The following SLC44A1 variants were observed in gnomAD, a reference collection of about 807,000 sequenced individuals.
The protein encoded by SLC44A1 is choline transporter-like protein 1.
SLC44A1 carries 26 observed loss-of-function variants against 79.3 expected under a neutral mutation model. That is an observed-to-expected ratio of 0.33 (90% CI 0.24 to 0.46). The LOEUF is 0.46. Among genes scored for constraint, SLC44A1 ranks in the 20% least tolerant of loss-of-function variants. The pLI is 1.00. For missense variants in SLC44A1, 688 were observed against 798.1 expected (o/e 0.86, Z 1.66); for synonymous variants, 263 against 286.2 (o/e 0.92, Z 0.82).
Position 105,392,238 on chromosome 9 carries a change from C to T in SLC44A1, c.*3182C>T, listed in dbSNP as rs1452530102. On this transcript the variant is annotated 3_prime_UTR_variant, in exon 16 of 16. Transcript: ENST00000374720. Reference sequence around the variant, plus strand: ...TTTAGGATTAAAGTTTTTATTTTATCCTATAAGATAATTAAGTCCTAAGTC... The same window carrying T: ...TTTAGGATTAAAGTTTTTATTTTATTCTATAAGATAATTAAGTCCTAAGTC... 2.0e-5 allele frequency: 20 copies of T among 983,578 alleles called. No individual in the cohort carries two copies. Among genetic ancestry groups the T allele is most frequent in the Non-Finnish European group, 2.4e-5 (20 of 828,362 alleles). The allele number at this position is 983,578 out of a possible 1,614,324, so 60.9% of individuals were successfully genotyped here.
At position 105,281,527 on chromosome 9, in the gene SLC44A1, C is replaced by T. The variant is rs374134926; in HGVS notation, c.37-17693C>T. ...CTAGGAGTGACGACTAAGGTGATAT[C>T]TTGTTGTAAAGGATGTGTCTGATAC... is the stretch of plus-strand genomic sequence containing the variant. On this transcript the variant is annotated intron_variant, in intron 1 of 15. Coordinates refer to ENST00000374720, the MANE Select transcript of SLC44A1 (RefSeq NM_080546.5). 7.2e-5 allele frequency among the ~76,000 whole-genome samples: 11 copies of T among 152,130 alleles called. No homozygotes were observed. The East Asian group carries it at 1.4e-3, about 19-fold the overall frequency.
chr9:105,311,224 A>G (rs1476100862), intron 3 of SLC44A1, among the ~76,000 whole-genome samples: 2 of 152,218 alleles, frequency 1.3e-5, no homozygotes, highest in Non-Finnish European at 2.9e-5. Context: ...TTAGACTCAT[A>G]TAAGTTGCAA....
At chr9:105,411,287 T>C (rs182290947) in intron 15 of SLC44A1, among the ~76,000 whole-genome samples, 21 of 152,238 alleles carry the variant, frequency 1.4e-4, no homozygotes, top group Admixed American at 8.5e-4. Context: ...ATTCCCTAAA[T>C]GTTAGTATTT....
chr9:105,283,740 C>T (rs1218145680), intron 1 of SLC44A1, among the ~76,000 whole-genome samples: 1 of 152,192 alleles, frequency 6.6e-6, no homozygotes, highest in Non-Finnish European at 1.5e-5. Context: ...AGTCCTTTCT[C>T]ATTCCACCTT....
intron 1 of SLC44A1, among the ~76,000 whole-genome samples, chr9:105,252,040 G>T (rs1829600595): frequency 6.6e-6 from 1 of 152,118 alleles, no homozygotes; most frequent in South Asian, 2.1e-4. Context: ...CAAATCAAAA[G>T]AATATGATTT....
chr9:105,367,706 T>C (rs1305184136), intron 12 of SLC44A1, among the ~76,000 whole-genome samples: 1 of 152,236 alleles, frequency 6.6e-6, no homozygotes, highest in East Asian at 1.9e-4. Context: ...ATCTGACTAG[T>C]TCCTACTGAA....
chr9:105,247,804 G>A (rs1468180308), intron 1 of SLC44A1, among the ~76,000 whole-genome samples: 7 of 152,206 alleles, frequency 4.6e-5, no homozygotes, highest in African/African-American at 1.7e-4. Flanking sequence ...CTGGCAAGTG[G>A]CATCGAATGT....
chr9:105,424,199 A>G (rs943850125), intron 15 of SLC44A1, among the ~76,000 whole-genome samples: 6 of 152,178 alleles, frequency 3.9e-5, no homozygotes, highest in Non-Finnish European at 2.9e-5. Flanking sequence ...TGGGGCAAGG[A>G]GTCCACCATG....
At chr9:105,403,818 A>G (rs1232944733) in intron 15 of SLC44A1, among the ~76,000 whole-genome samples, 1 of 150,684 alleles carries the variant, frequency 6.6e-6, no homozygotes, top group African/African-American at 2.4e-5. Flanking sequence ...GTGTCTGTGA[A>G]TCTGTACTGA....
chr9:105,282,528 T>C (rs1830377711), intron 1 of SLC44A1, among the ~76,000 whole-genome samples: 1 of 152,156 alleles, frequency 6.6e-6, no homozygotes, highest in Admixed American at 6.5e-5. Flanking sequence ...ACTTGCTTCT[T>C]AATAATAGAT....
chr9:105,299,446 T>C, intron 2 of SLC44A1, 137 bp downstream of exon 2: 2 of 569,476 alleles, frequency 3.5e-6, no homozygotes, highest in Non-Finnish European at 5.7e-6. Context: ...TCTTGATTTG[T>C]TTTTCTACAT....
intron 1 of SLC44A1, among the ~76,000 whole-genome samples, chr9:105,295,202 A>C (rs576618093): frequency 6.6e-6 from 1 of 152,224 alleles, no homozygotes; most frequent in Middle Eastern, 3.2e-3. Flanking sequence ...TTGTTTTAGG[A>C]ATCAAATGCG....
At chr9:105,410,877 A>T (rs949021573) in intron 15 of SLC44A1, among the ~76,000 whole-genome samples, 2 of 152,236 alleles carry the variant, frequency 1.3e-5, no homozygotes, top group African/African-American at 4.8e-5. Context: ...GTACTCATAC[A>T]TGCAACAACA....
At chr9:105,435,157 AC>A in intron 15 of SLC44A1, among the ~76,000 whole-genome samples, 1 of 147,274 alleles carries the variant, frequency 6.8e-6, no homozygotes. Flanking sequence ...AAAAAACAAA[AC>A]AAAACAAAAA....
rs1158541051 is a variant in SLC44A1 at position 105,396,884 on chromosome 9, A to G, written c.*7828A>G. On this transcript the variant is annotated 3_prime_UTR_variant, in exon 16 of 16. Transcript: ENST00000374720. ...TACCATTATTTTGGATTTTTTTCTTATTACAGTGTCACTACACTGTATTCA... is the reference window on the plus strand; with the variant it reads ...TACCATTATTTTGGATTTTTTTCTTGTTACAGTGTCACTACACTGTATTCA... 2.0e-6 allele frequency: 2 copies of G among 985,064 alleles called. No homozygotes were observed. Among genetic ancestry groups the G allele is most frequent in the East Asian group, 1.1e-4 (1 of 8,802 alleles). The allele number at this position is 985,064 out of a possible 1,614,324, so 61.0% of individuals were successfully genotyped here. A position where few individuals can be genotyped will look rare whatever the true frequency, so the allele number is the denominator to read the frequency against.
At chr9:105,308,574 T>G (rs1831093462) in intron 2 of SLC44A1, among the ~76,000 whole-genome samples, 1 of 152,300 alleles carries the variant, frequency 6.6e-6, no homozygotes, top group African/African-American at 2.4e-5. Context: ...TAGAACACAG[T>G]TTGTTTGCCT....
intron 3 of SLC44A1, among the ~76,000 whole-genome samples, chr9:105,316,278 G>A (rs1015227953): frequency 2.6e-5 from 4 of 152,144 alleles, no homozygotes. Context: ...CCATGAGAAA[G>A]GTTACAATGG....
intron 1 of SLC44A1, chr9:105,294,593 A>G (rs1336441207): frequency 6.6e-6 from 1 of 152,096 alleles, no homozygotes; most frequent in Non-Finnish European, 1.5e-5. Flanking sequence ...GGCTGCCTTC[A>G]AGAAGATCTT....
chr9:105,280,346 T>A (rs1255564095), intron 1 of SLC44A1, among the ~76,000 whole-genome samples: 1 of 152,226 alleles, frequency 6.6e-6, no homozygotes, highest in East Asian at 1.9e-4. Context: ...TCTTCAAGGA[T>A]AACTTTACTC....
Sources: allele counts gnomAD v4.1 joint callset (sites outside exome capture counted in the v4.1 genomes callset), GRCh38; gene constraint gnomAD v4.1.1; transcripts MANE v1.5; gene names NCBI Gene and HGNC (gene_info 2026-07-23, HGNC 2026-07-21).